The following NTRK3 variants were observed in gnomAD, a reference collection of about 807,000 sequenced individuals.
The protein encoded by NTRK3 is NT-3 growth factor receptor.
In NTRK3, 24 loss-of-function variants were observed where a neutral mutation model predicts 91.7. The ratio of observed to expected loss-of-function variants is 0.26; its 90% CI spans 0.19 to 0.37. The LOEUF (loss-of-function observed/expected upper bound fraction) is 0.37. Among genes scored for constraint, NTRK3 ranks in the 10% least tolerant of loss-of-function variants. The pLI, the probability that NTRK3 is intolerant of heterozygous loss-of-function variation, is 1.00. For missense variants in NTRK3, 880 were observed against 1,068.9 expected, an observed-to-expected ratio of 0.82 and a Z score of 2.46; for synonymous variants, 483 against 404.0, an observed-to-expected ratio of 1.20 and a Z score of -2.34.
At chr15:88,134,901 T>C (rs918002528) in intron 10 of NTRK3, among the ~76,000 whole-genome samples, 200 bp downstream of exon 10, 3 of 152,242 alleles carry the variant, frequency 2.0e-5, no homozygotes, top group Admixed American at 6.5e-5. Flanking sequence ...TTGGTTACCA[T>C]GACTGCTATT....
chr15:88,220,923 G>A (rs572687868), intron 3 of NTRK3, among the ~76,000 whole-genome samples: 125 of 152,300 alleles, frequency 8.2e-4, no homozygotes, highest in African/African-American at 2.5e-3. Flanking sequence ...CAGGGGATAC[G>A]TCTCAAAAAT....
At chr15:88,052,726 T>C (rs182038922) in intron 13 of NTRK3, among the ~76,000 whole-genome samples, 1 of 151,972 alleles carries the variant, frequency 6.6e-6, no homozygotes, top group Non-Finnish European at 1.5e-5. Flanking sequence ...CTTTGGGTAA[T>C]GGAGGTGGAG....
chr15:88,127,111 G>A (rs1275999839), intron 12 of NTRK3, 51 bp downstream of exon 12: 5 of 1,486,294 alleles, frequency 3.4e-6, no homozygotes, highest in Non-Finnish European at 4.7e-6. Context: ...AATGAAGTCT[G>A]AAAATGACTA....
intron 13 of NTRK3, among the ~76,000 whole-genome samples, chr15:88,058,472 A>C (rs1271180831): frequency 6.6e-6 from 1 of 152,208 alleles, no homozygotes. Flanking sequence ...AGGTTAGTGC[A>C]AGTCCTAGGT....
chr15:88,224,076 C>T (rs1292614978), intron 3 of NTRK3, among the ~76,000 whole-genome samples: 1 of 152,188 alleles, frequency 6.6e-6, no homozygotes, highest in Non-Finnish European at 1.5e-5. Context: ...GGTGTGATCT[C>T]AGATTCTGCA....
intron 14 of NTRK3, among the ~76,000 whole-genome samples, chr15:87,966,985 C>A (rs2072854377): frequency 6.6e-6 from 1 of 152,184 alleles, no homozygotes; most frequent in South Asian, 2.1e-4. Flanking sequence ...AAAAATGTCT[C>A]CACACATGTC....
chr15:88,168,230 TA>T (rs1409633145), intron 5 of NTRK3, among the ~76,000 whole-genome samples: 6 of 152,184 alleles, frequency 3.9e-5, no homozygotes, highest in African/African-American at 7.2e-5. Flanking sequence ...CCACTAGTGA[TA>T]TGTGAAAAGT....
intron 17 of NTRK3, among the ~76,000 whole-genome samples, chr15:87,913,521 T>C (rs1011909413): frequency 2.0e-5 from 3 of 152,160 alleles, no homozygotes; most frequent in African/African-American, 4.8e-5. Flanking sequence ...TGATCCTAGA[T>C]GCAACCACCA....
At position 87,883,145 on chromosome 15, in the gene NTRK3, A is replaced by G. The variant is rs981672120; in HGVS notation, c.2134-2717T>C. On this transcript the variant is annotated intron_variant, in intron 17 of 18. Transcript: ENST00000394480. ...TATATATATGCATATACAGATATAT[A>G]TAGCCAATTACATTTCTTTTATTGT... Among the ~76,000 whole-genome samples, 4 of 151,274 alleles carry G rather than the reference A, an allele frequency of 2.6e-5. No homozygotes were observed. In the East Asian group the frequency reaches 5.8e-4, roughly 22 times the overall value.
intron 14 of NTRK3, among the ~76,000 whole-genome samples, chr15:88,000,108 GC>G (rs2141611320): frequency 6.6e-6 from 1 of 152,178 alleles, no homozygotes; most frequent in East Asian, 1.9e-4. Context: ...ACTTTCTGTT[GC>G]CCCCAGTGGG....
chr15:87,981,282 T>C (rs773711402), intron 14 of NTRK3: 2 of 1,593,102 alleles, frequency 1.3e-6, no homozygotes, highest in South Asian at 1.1e-5. Context: ...CTCATATATA[T>C]AGTGAGTTGA....
At chr15:88,210,589 G>C (rs535695194) in intron 3 of NTRK3, among the ~76,000 whole-genome samples, 1 of 152,334 alleles carries the variant, frequency 6.6e-6, no homozygotes, top group South Asian at 2.1e-4. Flanking sequence ...CTGTGAAGAT[G>C]ATGCTGCTGG....
At chr15:88,148,781 C>G (rs2043111073) in intron 5 of NTRK3, among the ~76,000 whole-genome samples, 1 of 152,094 alleles carries the variant, frequency 6.6e-6, no homozygotes, top group African/African-American at 2.4e-5. Context: ...AGTTGGCAGG[C>G]CAGCTAGGAA....
Position 88,033,183 on chromosome 15 carries a change from T to C in NTRK3, c.1397-138A>G, listed in dbSNP as rs1284484584. On this transcript the variant is annotated intron_variant, in intron 13 of 18. Transcript: ENST00000394480. ...TTACTTTTGGGGGGTGTGTTATATA[T>C]ATATATATATATATATATATATATA... is the stretch of plus-strand genomic sequence containing the variant. 3.6e-4 allele frequency: 32 copies of C among 89,268 alleles called. 3 individuals are homozygous for C. Among genetic ancestry groups the C allele is most frequent in the East Asian group, 2.9e-3 (12 of 4,074 alleles). The allele number at this position is 89,268 out of a possible 1,614,324, so 5.5% of individuals were successfully genotyped here.
chr15:88,247,259 G>A (rs532508810), intron 3 of NTRK3, among the ~76,000 whole-genome samples: 4 of 152,086 alleles, frequency 2.6e-5, no homozygotes, highest in Admixed American at 6.6e-5. Context: ...GTAAAAGCCC[G>A]AACCCCTCAG....
chr15:88,195,057 G>A (rs921112426), intron 3 of NTRK3, among the ~76,000 whole-genome samples: 5 of 152,200 alleles, frequency 3.3e-5, no homozygotes, highest in South Asian at 2.1e-4. Flanking sequence ...GGCTTGGGTT[G>A]TCTGAAGACA....
chr15:88,177,309 T>C (rs1182473559), intron 5 of NTRK3, among the ~76,000 whole-genome samples: 1 of 152,190 alleles, frequency 6.6e-6, no homozygotes, highest in Non-Finnish European at 1.5e-5. Flanking sequence ...GGCAGCTGTG[T>C]GGACAATGAA....
At chr15:87,872,943 A>T in exon 19 of NTRK3, 1 of 233,084 alleles carries the variant, frequency 4.3e-6, no homozygotes. Context: ...CCACGTGGAT[A>T]ACTAATAGCA....
At chr15:88,180,509 T>C (rs1171906810) in intron 5 of NTRK3, among the ~76,000 whole-genome samples, 2 of 152,178 alleles carry the variant, frequency 1.3e-5, no homozygotes, top group East Asian at 3.9e-4. Context: ...ATTCATTTTC[T>C]GGCATGAGGA....
Sources: gnomAD v4.1 joint callset for allele counts (sites outside exome capture counted in the v4.1 genomes callset) on GRCh38, gnomAD v4.1.1 for gene constraint, MANE v1.5 for transcripts, NCBI Gene and HGNC (gene_info 2026-07-23, HGNC 2026-07-21) for gene names.